MAK: variants seen among roughly 807,000 people sequenced by gnomAD.
MAK encodes the protein male germ cell associated kinase, also known as serine/threonine-protein kinase MAK.
A neutral mutation model predicts 82.6 loss-of-function variants in MAK; 65 were observed. The observed-to-expected ratio is 0.79, with a 90% CI of 0.64 to 0.97. MAK has a LOEUF of 0.97. Ranked by LOEUF, MAK falls within the 50% of genes least tolerant of loss-of-function variation. The probability of loss-of-function intolerance (pLI) is 0.00; values close to 1 mark genes in which losing one functional copy is unlikely to be tolerated. For synonymous variants in MAK, 250 were observed against 274.2 expected (o/e 0.91, Z 0.87); for missense variants, 703 against 780.2 (o/e 0.90, Z 1.18).
chr6:10,817,991 C>T lies in MAK; in HGVS notation c.157-20G>A. The T allele has an allele frequency of 7.2e-7, 1 of 1,393,484 alleles. No homozygotes were observed. Among genetic ancestry groups the T allele is most frequent in the Admixed American group, 2.0e-5 (1 of 50,252 alleles). 86.3% of individuals were successfully genotyped at this position (1,393,484 alleles called of 1,614,324 possible). A position where few individuals can be genotyped will look rare whatever the true frequency, so the allele number is the denominator to read the frequency against. ...CAGAGACTGAAAAATAACAAATATG[C>T]CTTAAAATTTCTTAAAAAAAACTTA... is the stretch of plus-strand genomic sequence containing the variant. On this transcript the variant is annotated intron_variant, in intron 3 of 14. Coordinates refer to ENST00000354489, the MANE Select transcript of MAK (RefSeq NM_001242957.3).
rs1561962386 is a variant in MAK at position 10,795,892 on chromosome 6, G to T, written c.1143+106C>A. ...CAGAGGACTCAGGGTCTTTAACAAA[G>T]AAAAATCTTTTATATCTTTTCCAAC... On this transcript the variant is annotated intron_variant, in intron 9 of 14. Coordinates refer to ENST00000354489, the MANE Select transcript of MAK (RefSeq NM_001242957.3). 9.8e-5 allele frequency: 126 copies of T among 1,286,754 alleles called. No homozygotes were observed. In the East Asian group the frequency reaches 2.9e-3, roughly 30 times the overall value. 79.7% of individuals were successfully genotyped at this position (1,286,754 alleles called of 1,614,324 possible).
chr6:10,824,687 G>A (rs1032871708), intron 2 of MAK, among the ~76,000 whole-genome samples: 1 of 152,064 alleles, frequency 6.6e-6, no homozygotes, highest in Non-Finnish European at 1.5e-5. Context: ...AATTTCAGGC[G>A]GACTCTTCCT....
intron 11 of MAK, among the ~76,000 whole-genome samples, chr6:10,783,686 T>A (rs1774219809): frequency 6.6e-6 from 1 of 152,150 alleles, no homozygotes; most frequent in African/African-American, 2.4e-5. Flanking sequence ...TCTCTTGAGT[T>A]CCCAGCATGC....
chr6:10,785,891 A>G (rs1050530613), intron 10 of MAK, among the ~76,000 whole-genome samples: 4 of 152,228 alleles, frequency 2.6e-5, no homozygotes, highest in Non-Finnish European at 4.4e-5. Flanking sequence ...GTAAACATCT[A>G]CTGAATATAA....
intron 6 of MAK, among the ~76,000 whole-genome samples, chr6:10,808,420 T>C (rs1020745135): frequency 1.3e-5 from 2 of 152,210 alleles, no homozygotes; most frequent in Non-Finnish European, 2.9e-5. Flanking sequence ...GGTGAACACG[T>C]GTATGTCTTT....
intron 5 of MAK, among the ~76,000 whole-genome samples, chr6:10,813,106 A>T (rs370713585): frequency 0.023 from 18 of 790 alleles, 1 homozygote; most frequent in East Asian, 0.11. Flanking sequence ...ATATATATAT[A>T]TATATATATA....
intron 11 of MAK, 119 bp downstream of exon 11, chr6:10,784,305 A>C: frequency 2.0e-6 from 2 of 990,666 alleles, no homozygotes; most frequent in Non-Finnish European, 3.2e-6. Context: ...GAGCTACCAA[A>C]GAGCTCTGTG....
intron 2 of MAK, among the ~76,000 whole-genome samples, chr6:10,824,155 G>A (rs995129623): frequency 2.6e-5 from 4 of 152,098 alleles, no homozygotes; most frequent in East Asian, 1.9e-4. Flanking sequence ...GAGGAGTAAC[G>A]GCTATAGTGA....
intron 14 of MAK, among the ~76,000 whole-genome samples, chr6:10,768,119 T>C (rs1030195977): frequency 6.6e-6 from 1 of 151,918 alleles, no homozygotes; most frequent in Non-Finnish European, 1.5e-5. Context: ...TTAAAAAAAA[T>C]GAAAACAGGA....
At chr6:10,779,306 T>C in intron 11 of MAK, 1 of 980,730 alleles carries the variant, frequency 1.0e-6, no homozygotes, top group African/African-American at 1.7e-5. Flanking sequence ...CTTGTGATAA[T>C]TAAAGTACCT....
At chr6:10,767,147 C>G (rs189263900) in intron 14 of MAK, among the ~76,000 whole-genome samples, 1 of 152,320 alleles carries the variant, frequency 6.6e-6, no homozygotes, top group East Asian at 1.9e-4. Context: ...TGTTTAAAAA[C>G]TGCATCTGTC....
At chr6:10,786,856 TCAC>T (rs1774596708) in intron 10 of MAK, among the ~76,000 whole-genome samples, 1 of 136,206 alleles carries the variant, frequency 7.3e-6, no homozygotes, top group Non-Finnish European at 1.6e-5. Flanking sequence ...CACCTCCTAT[TCAC>T]CACTCCGCTA....
intron 11 of MAK, 105 bp from the exon 12 acceptor site, chr6:10,775,564 G>T (rs2127519321): frequency 8.0e-7 from 1 of 1,255,040 alleles, no homozygotes; most frequent in Non-Finnish European, 1.2e-6. Flanking sequence ...TTGGACAGGA[G>T]AATGGAAATA....
At chr6:10,819,045 T>C in intron 2 of MAK, 105 bp from the exon 3 acceptor site, 1 of 714,272 alleles carries the variant, frequency 1.4e-6, no homozygotes, top group Non-Finnish European at 2.6e-6. Context: ...TTGGGCGAGC[T>C]ATCTTTCTCT....
intron 11 of MAK, among the ~76,000 whole-genome samples, chr6:10,783,797 G>C (rs1215764998): frequency 6.6e-6 from 1 of 152,188 alleles, no homozygotes; most frequent in African/African-American, 2.4e-5. Context: ...AAGGCGGGCG[G>C]ATCACAAGGT....
chr6:10,808,763 T>C (rs1293754950), intron 6 of MAK, 47 bp downstream of exon 6: 1 of 1,595,230 alleles, frequency 6.3e-7, no homozygotes, highest in Admixed American at 1.7e-5. Flanking sequence ...GTAGGAAAAT[T>C]TCACCATAGG....
intron 2 of MAK, 64 bp downstream of exon 2, chr6:10,830,484 G>A (rs764012982): frequency 3.4e-4 from 453 of 1,341,502 alleles, no homozygotes; most frequent in Non-Finnish European, 4.6e-4. Context: ...ATATTCTTAA[G>A]CGAGGACAGG....
intron 4 of MAK, among the ~76,000 whole-genome samples, chr6:10,817,129 AGT>A (rs60627741): frequency 1.9e-4 from 29 of 149,892 alleles, no homozygotes; most frequent in South Asian, 4.2e-4. Context: ...CTTGAGCGAG[AGT>A]GTGTGTGTGT....
At chr6:10,831,924 G>A (rs989994559) in intron 1 of MAK, among the ~76,000 whole-genome samples, 1 of 152,154 alleles carries the variant, frequency 6.6e-6, no homozygotes, top group Non-Finnish European at 1.5e-5. Context: ...TAACACTGCT[G>A]AAAAGACAAA....
Sources: allele counts gnomAD v4.1 joint callset (sites outside exome capture counted in the v4.1 genomes callset), GRCh38; gene constraint gnomAD v4.1.1; transcripts MANE v1.5; gene names NCBI Gene and HGNC (gene_info 2026-07-23, HGNC 2026-07-21).